The following TENM1 variants were observed in gnomAD, a reference collection of about 807,000 sequenced individuals.
The protein encoded by TENM1 is teneurin-1.
TENM1 carries 35 observed loss-of-function variants against 174.8 expected under a neutral mutation model. The observed-to-expected ratio is 0.20, with a 90% CI of 0.15 to 0.27. TENM1 has a LOEUF of 0.27. Ranked by LOEUF, TENM1 falls within the 10% of genes least tolerant of loss-of-function variation. The pLI is 1.00. For missense variants in TENM1, 1,633 were observed against 2,130.1 expected, an observed-to-expected ratio of 0.77 and a Z score of 4.59; for synonymous variants, 781 against 798.7, an observed-to-expected ratio of 0.98 and a Z score of 0.37.
chrX:124,929,117 T>C (rs944328939), intron 1 of TENM1, among the ~76,000 whole-genome samples: 2 of 111,797 alleles, frequency 1.8e-5, no homozygotes, highest in Non-Finnish European at 3.8e-5. Flanking sequence ...TTTCTCACTC[T>C]TACTCTTTAA....
intron 27 of TENM1, among the ~76,000 whole-genome samples, chrX:124,393,802 G>T (rs2060306784): frequency 1.8e-5 from 2 of 111,120 alleles, no homozygotes; most frequent in Admixed American, 9.6e-5. Context: ...AGACTTTGAG[G>T]AGTCTAAGTA....
chrX:124,915,783 T>C (rs1163824787), intron 1 of TENM1, among the ~76,000 whole-genome samples: 1 of 111,925 alleles, frequency 8.9e-6, no homozygotes, highest in African/African-American at 3.2e-5. Context: ...AATATTCAAG[T>C]CTGGCTGGTT....
At chrX:125,046,853 CATGCGTGT>C in the TENM1 span, among the ~76,000 whole-genome samples, 1 of 88,946 alleles carries the variant, frequency 1.1e-5, no homozygotes. Context: ...TGTGTGTGTG[CATGCGTGT>C]GTGTGTGTGT....
At chrX:124,407,596 C>T (rs1025344526) in intron 25 of TENM1, among the ~76,000 whole-genome samples, 2 of 112,150 alleles carry the variant, frequency 1.8e-5, no homozygotes, top group Non-Finnish European at 3.8e-5. Flanking sequence ...AAAACTCAGC[C>T]TGGGTAGTTG....
chrX:125,135,994 G>A, the TENM1 span, among the ~76,000 whole-genome samples: 1 of 111,695 alleles, frequency 9.0e-6, no homozygotes, highest in Non-Finnish European at 1.9e-5. Flanking sequence ...ACATTTTAAA[G>A]GTTTGAGATG....
At chrX:124,602,245 T>A (rs1286020054) in intron 11 of TENM1, among the ~76,000 whole-genome samples, 2 of 111,144 alleles carry the variant, frequency 1.8e-5, no homozygotes, top group African/African-American at 6.5e-5. Flanking sequence ...ATAATTCAGA[T>A]ACCTGTGTTT....
At chrX:124,934,937 T>C (rs1006834659) in intron 1 of TENM1, among the ~76,000 whole-genome samples, 2 of 110,555 alleles carry the variant, frequency 1.8e-5, no homozygotes, top group African/African-American at 6.6e-5. Context: ...TCGTTTCACA[T>C]TGTTCACTGT....
the TENM1 span, among the ~76,000 whole-genome samples, chrX:125,085,847 G>A: frequency 1.8e-5 from 2 of 110,547 alleles, no homozygotes; most frequent in Middle Eastern, 4.8e-3. Flanking sequence ...ATTATTGGTT[G>A]CTGTCAATTG....
chrX:124,616,219 C>T (rs924191065), intron 11 of TENM1, among the ~76,000 whole-genome samples: 10 of 112,849 alleles, frequency 8.9e-5, no homozygotes, highest in African/African-American at 3.2e-4. Context: ...AAATCGACCA[C>T]AAAATGGTCA....
the TENM1 span, among the ~76,000 whole-genome samples, chrX:124,984,997 G>T: frequency 8.9e-6 from 1 of 111,902 alleles, no homozygotes; most frequent in Non-Finnish European, 1.9e-5. Flanking sequence ...GTCCTATTTG[G>T]TGTTTGTTTC....
At chrX:124,951,957 A>G (rs984652863) in intron 1 of TENM1, among the ~76,000 whole-genome samples, 8 of 110,041 alleles carry the variant, frequency 7.3e-5, no homozygotes, top group Non-Finnish European at 1.5e-4. Context: ...TGCCAATCAT[A>G]TTGCAGATTC....
chrX:124,383,235 G>A (rs1404538588), intron 30 of TENM1, among the ~76,000 whole-genome samples: 6 of 110,829 alleles, frequency 5.4e-5, no homozygotes, highest in African/African-American at 9.9e-5. Context: ...GTGAGCCACC[G>A]CACCCAGCCT....
chrX:124,855,172 CAT>C (rs1338160106), intron 3 of TENM1, among the ~76,000 whole-genome samples: 1 of 111,561 alleles, frequency 9.0e-6, no homozygotes, highest in Admixed American at 9.6e-5. Context: ...GTGATACTTT[CAT>C]ATGTTTCGCA....
intron 6 of TENM1, among the ~76,000 whole-genome samples, chrX:124,662,660 G>A (rs12388321): frequency 9.1e-6 from 1 of 109,913 alleles, no homozygotes; most frequent in South Asian, 3.9e-4. Flanking sequence ...CTTACCATTC[G>A]ATTATTCCAT....
At chrX:124,730,508 T>G (rs1175295785) in intron 4 of TENM1, among the ~76,000 whole-genome samples, 1 of 110,982 alleles carries the variant, frequency 9.0e-6, no homozygotes, top group Non-Finnish European at 1.9e-5. Context: ...CAATGTCACA[T>G]GACTAATAGG....
At chrX:125,091,918 G>A in the TENM1 span, among the ~76,000 whole-genome samples, 2 of 102,611 alleles carry the variant, frequency 1.9e-5, no homozygotes, top group Non-Finnish European at 3.9e-5. Flanking sequence ...CCAGGAGGTG[G>A]AGGTTGCAGT....
chrX:124,624,747 G>A (rs1287349967), intron 11 of TENM1, among the ~76,000 whole-genome samples: 1 of 111,781 alleles, frequency 8.9e-6, no homozygotes, highest in East Asian at 2.8e-4. Flanking sequence ...CACTGCAGGA[G>A]TTATAAGGAT....
intron 5 of TENM1, among the ~76,000 whole-genome samples, chrX:124,693,570 G>A (rs1053494660): frequency 1.8e-5 from 2 of 110,643 alleles, no homozygotes; most frequent in Non-Finnish European, 3.8e-5. Context: ...TCATTTTCAC[G>A]ATGGGTTTAT....
intron 3 of TENM1, among the ~76,000 whole-genome samples, chrX:124,856,098 T>C (rs941642759): frequency 9.0e-6 from 1 of 110,946 alleles, no homozygotes; most frequent in African/African-American, 3.3e-5. Context: ...TAGACACATT[T>C]TATTCACTGG....
Sources: allele counts gnomAD v4.1 joint callset (sites outside exome capture counted in the v4.1 genomes callset), GRCh38; gene constraint gnomAD v4.1.1; transcripts MANE v1.5; gene names NCBI Gene and HGNC (gene_info 2026-07-23, HGNC 2026-07-21).